IFNG-AS1: variants seen among roughly 807,000 people sequenced by gnomAD.
The protein encoded by IFNG-AS1 is IFNG antisense RNA 1 (non-protein coding).
intron 1 of IFNG-AS1, among the ~76,000 whole-genome samples, chr12:67,994,244 C>T (rs972530128): frequency 1.8e-4 from 27 of 152,322 alleles, no homozygotes; most frequent in African/African-American, 6.3e-4. Context: ...CCATGGCCCT[C>T]AGTAGAGGGA....
intron 3 of IFNG-AS1, among the ~76,000 whole-genome samples, chr12:68,014,813 C>G (rs1880109425): frequency 6.6e-6 from 1 of 152,148 alleles, no homozygotes; most frequent in African/African-American, 2.4e-5. Flanking sequence ...CACACACACA[C>G]ACAGACACCC....
intron 1 of IFNG-AS1, among the ~76,000 whole-genome samples, chr12:67,992,211 T>G (rs1384158122): frequency 5.9e-5 from 9 of 152,232 alleles, no homozygotes; most frequent in Non-Finnish European, 1.3e-4. Context: ...GGTATCATAC[T>G]TTGCATTTCT....
intron 3 of IFNG-AS1, among the ~76,000 whole-genome samples, chr12:68,015,949 G>C (rs1358400795): frequency 1.3e-5 from 2 of 151,426 alleles, no homozygotes; most frequent in Non-Finnish European, 2.9e-5. Context: ...GAGACGGGGG[G>C]GGGAAAAAAA....
At chr12:67,999,192 G>A (rs114732755) in intron 2 of IFNG-AS1, among the ~76,000 whole-genome samples, 1 of 152,128 alleles carries the variant, frequency 6.6e-6, no homozygotes, top group Non-Finnish European at 1.5e-5. Context: ...ATGATAGATA[G>A]ATAATAGATG....
At chr12:67,991,629 C>T (rs1376633824) in intron 1 of IFNG-AS1, among the ~76,000 whole-genome samples, 1 of 152,194 alleles carries the variant, frequency 6.6e-6, no homozygotes, top group Admixed American at 6.5e-5. Flanking sequence ...AAGGAAAGCC[C>T]GCAAGATGGG....
At chr12:68,010,743 C>A (rs1592827316) in intron 3 of IFNG-AS1, among the ~76,000 whole-genome samples, 1 of 152,278 alleles carries the variant, frequency 6.6e-6, no homozygotes, top group East Asian at 1.9e-4. Context: ...GGCCGAACCA[C>A]ATATTAGGGA....
intron 2 of IFNG-AS1, among the ~76,000 whole-genome samples, chr12:68,003,519 G>A (rs1879827829): frequency 6.7e-6 from 1 of 148,428 alleles, no homozygotes; most frequent in African/African-American, 2.5e-5. Flanking sequence ...CATCTCCCAT[G>A]TGTCCCTCAA....
At chr12:68,020,732 T>C (rs1880266789) in intron 4 of IFNG-AS1, 1 of 152,168 alleles carries the variant, frequency 6.6e-6, no homozygotes, top group African/African-American at 2.4e-5. Context: ...TCAACTCTTA[T>C]ATTCCCTTAA....
At chr12:68,005,766 T>A (rs1012319573) in intron 2 of IFNG-AS1, among the ~76,000 whole-genome samples, 2 of 152,150 alleles carry the variant, frequency 1.3e-5, no homozygotes, top group African/African-American at 4.8e-5. Context: ...ATAATGTACA[T>A]TAGAAGCAGA....
chr12:68,000,303 G>T (rs1387807847), intron 2 of IFNG-AS1, among the ~76,000 whole-genome samples: 1 of 152,098 alleles, frequency 6.6e-6, no homozygotes, highest in Non-Finnish European at 1.5e-5. Context: ...TTCTACCTAT[G>T]ATTACAAAAC....
At chr12:68,004,253 A>G (rs900198265) in intron 2 of IFNG-AS1, among the ~76,000 whole-genome samples, 3 of 152,192 alleles carry the variant, frequency 2.0e-5, no homozygotes, top group African/African-American at 7.2e-5. Flanking sequence ...ATACTTGTCA[A>G]TATTCAGTAC....
chr12:68,013,807 A>T (rs1056807485), intron 3 of IFNG-AS1, among the ~76,000 whole-genome samples: 3 of 152,142 alleles, frequency 2.0e-5, no homozygotes, highest in African/African-American at 7.2e-5. Context: ...TCTTTTTCCC[A>T]TAGGATATTG....
intron 3 of IFNG-AS1, among the ~76,000 whole-genome samples, chr12:68,016,228 G>T (rs767477880): frequency 2.0e-5 from 3 of 152,080 alleles, no homozygotes; most frequent in African/African-American, 7.2e-5. Flanking sequence ...CCTCTCTTGC[G>T]ATGCATACCG....
intron 3 of IFNG-AS1, among the ~76,000 whole-genome samples, chr12:68,006,379 T>C (rs554344785): frequency 5.3e-4 from 80 of 152,358 alleles, no homozygotes; most frequent in Non-Finnish European, 9.8e-4. Flanking sequence ...GTATAAAACA[T>C]TGAAAAACAA....
intron 3 of IFNG-AS1, among the ~76,000 whole-genome samples, chr12:68,017,126 T>C (rs2159064): frequency 0.53 from 79,806 of 152,006 alleles, 23,080 homozygotes; most frequent in Middle Eastern, 0.66. Context: ...AAACAGTCTT[T>C]CACACAGAAG....
At chr12:68,018,052 A>T (rs931869194) in intron 3 of IFNG-AS1, among the ~76,000 whole-genome samples, 1 of 151,904 alleles carries the variant, frequency 6.6e-6, no homozygotes, top group Admixed American at 6.6e-5. Context: ...AAAATTTTCT[A>T]TTTGTTATTC....
intron 3 of IFNG-AS1, among the ~76,000 whole-genome samples, chr12:68,007,350 G>T (rs1879929037): frequency 6.6e-6 from 1 of 152,156 alleles, no homozygotes; most frequent in African/African-American, 2.4e-5. Context: ...TGTCAGTGGA[G>T]CTAGATATAT....
At chr12:67,996,025 A>C (rs1592819753) in exon 2 of IFNG-AS1, 1 of 152,342 alleles carries the variant, frequency 6.6e-6, no homozygotes, top group African/African-American at 2.4e-5. Context: ...GCAGGGAAGA[A>C]GAAAATATTC....
chr12:67,995,603 T>G (rs548469997), intron 1 of IFNG-AS1, among the ~76,000 whole-genome samples: 1 of 150,824 alleles, frequency 6.6e-6, no homozygotes, highest in South Asian at 2.1e-4. Flanking sequence ...GTGCCTGTAT[T>G]CCCAGCTATT....
Sources: allele counts gnomAD v4.1 joint callset (sites outside exome capture counted in the v4.1 genomes callset), GRCh38; gene constraint gnomAD v4.1.1; transcripts MANE v1.5; gene names NCBI Gene and HGNC (gene_info 2026-07-23, HGNC 2026-07-21).